Variants in ZFP62 observed in about 807,000 individuals in gnomAD.
ZFP62 encodes ZFP62 zinc finger protein, also known as zinc finger protein 62 homolog.
In ZFP62, 44 loss-of-function variants were observed where a neutral mutation model predicts 56.4. The observed-to-expected ratio is 0.78, with a 90% CI of 0.61 to 1.00. The LOEUF is 1.00. Ranked by LOEUF, ZFP62 falls within the 50% of genes least tolerant of loss-of-function variation. The probability of loss-of-function intolerance (pLI) is 0.00; values close to 1 mark genes in which losing one functional copy is unlikely to be tolerated. For synonymous variants in ZFP62, 421 were observed against 388.9 expected (o/e 1.08, Z -0.97); for missense variants, 1,030 against 1,085.7 (o/e 0.95, Z 0.72).
chr5:180,847,047 A>C (rs138365896), downstream of ZFP62, among the ~76,000 whole-genome samples: 2 of 152,344 alleles, frequency 1.3e-5, no homozygotes, highest in East Asian at 1.9e-4. Flanking sequence ...ATACAAAGTG[A>C]AACAAATATA....
Position 180,850,771 on chromosome 5 carries a change from G to A in ZFP62, c.724C>T (p.Gln242Ter). 6.3e-7 allele frequency: 1 copy of A among 1,599,070 alleles called. No individual in the cohort carries two copies. Among genetic ancestry groups the A allele is most frequent in the Non-Finnish European group, 8.5e-7 (1 of 1,172,664 alleles). The change falls in exon 2 of 2, where the codon CAG becomes TAG. Residue 242 changes from glutamine (Q) to a stop codon, truncating the protein, a stop_gained. Coordinates refer to ENST00000502412, the MANE Select transcript of ZFP62 (RefSeq NM_001172638.2). LOFTEE classifies it high-confidence loss of function. ...KSFNYSSVLD[Q>*]HKRIHTGEKP... ...TCCCCAGTGTGGATCCTTTTATGCT[G>A]GTCCAGAACAGAGCTATAATTGAAG...
At position 180,849,412 on chromosome 5, in the gene ZFP62, G is replaced by T; in HGVS notation, c.2083C>A (p.His695Asn). 1 of 1,551,226 alleles carries T rather than the reference G, an allele frequency of 6.4e-7. No homozygotes were observed. The highest frequency in any genetic ancestry group is 8.7e-7 in the Non-Finnish European group (1 of 1,146,662). The change falls in exon 2 of 2, where the codon CAC becomes AAC. Residue 695 changes from histidine to asparagine, a missense_variant. His to Asn is a moderately conservative substitution (Grantham distance 68, BLOSUM62 1). Coordinates refer to ENST00000502412, the MANE Select transcript of ZFP62 (RefSeq NM_001172638.2). ...HSSLINHKST[H>N]PGRTPHTCDE... is the part of the protein sequence containing the mutation. The stretch of plus-strand genomic sequence containing the variant: ...CATGTATGGGGTGTCCTGCCAGGGT[G>T]GGTACTCTTATGGTTAATAAGGCTT...
At chr5:180,853,321 T>C (rs1773809091) in intron 1 of ZFP62, among the ~76,000 whole-genome samples, 1 of 152,200 alleles carries the variant, frequency 6.6e-6, no homozygotes, top group African/African-American at 2.4e-5. Context: ...AAGAGTAATA[T>C]ACATGCTACG....
chr5:180,836,009 T>C, the ZFP62 span, among the ~76,000 whole-genome samples: 11 of 152,248 alleles, frequency 7.2e-5, no homozygotes, highest in African/African-American at 2.7e-4. Flanking sequence ...TATGGTTAGA[T>C]ACACAAATAC....
In ZFP62 at chr5:180,848,325, T is replaced by C. The variant is rs1773490883; in HGVS notation, c.*467A>G. ...AAATAAATTTATATTCCCTGAAACC[T>C]ATCCTCCCTGAATTTGCCTGTTGGA... On this transcript the variant is annotated 3_prime_UTR_variant, in exon 2 of 2. Transcript: ENST00000502412. 1 of 986,704 alleles carries C rather than the reference T, an allele frequency of 1.0e-6. No homozygotes were observed. The highest frequency in any genetic ancestry group is 1.2e-6 in the Non-Finnish European group (1 of 830,926). 61.1% of individuals were successfully genotyped at this position (986,704 alleles called of 1,614,324 possible).
the ZFP62 span, chr5:180,835,633 G>A: frequency 3.3e-5 from 5 of 152,154 alleles, no homozygotes; most frequent in Admixed American, 3.3e-4. Context: ...GTAAAACCGA[G>A]CACATGCAAA....
At chr5:180,853,485 T>G (rs1002992781) in intron 1 of ZFP62, among the ~76,000 whole-genome samples, 1 of 152,210 alleles carries the variant, frequency 6.6e-6, no homozygotes, top group African/African-American at 2.4e-5. Context: ...TCCGAGTATA[T>G]AGCCTTTTTA....
the ZFP62 span, among the ~76,000 whole-genome samples, chr5:180,829,461 C>T: frequency 4.6e-5 from 7 of 152,314 alleles, no homozygotes; most frequent in African/African-American, 1.7e-4. Flanking sequence ...ACGGTCCTAC[C>T]AATATGTGAT....
chr5:180,858,732 G>A (rs1774142385), intron 1 of ZFP62, among the ~76,000 whole-genome samples: 1 of 152,110 alleles, frequency 6.6e-6, no homozygotes, highest in African/African-American at 2.4e-5. Context: ...TGGTAGCTAA[G>A]TCATGTGTCC....
At chr5:180,839,656 T>G in the ZFP62 span, among the ~76,000 whole-genome samples, 1 of 152,188 alleles carries the variant, frequency 6.6e-6, no homozygotes, top group African/African-American at 2.4e-5. Flanking sequence ...AAATTCCTAT[T>G]GGGTACTATG....
downstream of ZFP62, among the ~76,000 whole-genome samples, chr5:180,844,401 C>T (rs374880581): frequency 2.0e-5 from 3 of 152,194 alleles, no homozygotes; most frequent in South Asian, 4.1e-4. Flanking sequence ...TGGGGCTTTG[C>T]CCTGCCCACC....
the ZFP62 span, among the ~76,000 whole-genome samples, chr5:180,841,086 A>C: frequency 1.3e-5 from 2 of 152,206 alleles, no homozygotes; most frequent in South Asian, 4.1e-4. Flanking sequence ...TGAATGAAAC[A>C]TTAAAAATAC....
At chr5:180,843,664 C>A (rs1193500595), downstream of ZFP62, among the ~76,000 whole-genome samples, 2 of 152,130 alleles carry the variant, frequency 1.3e-5, no homozygotes, top group African/African-American at 4.8e-5. Flanking sequence ...AAGCAAAGTT[C>A]ACAGAACTAT....
At chr5:180,853,581 C>T (rs1013170685) in intron 1 of ZFP62, among the ~76,000 whole-genome samples, 1 of 152,136 alleles carries the variant, frequency 6.6e-6, no homozygotes, top group Non-Finnish European at 1.5e-5. Flanking sequence ...AGGAGAAAAA[C>T]TGCTAAAACA....
the ZFP62 span, among the ~76,000 whole-genome samples, chr5:180,842,512 C>T: frequency 5.3e-5 from 8 of 152,282 alleles, no homozygotes; most frequent in Admixed American, 5.2e-4. Flanking sequence ...GGCAGATGAA[C>T]AGCCAGAGTG....
chr5:180,834,187 C>T, the ZFP62 span: 3 of 152,218 alleles, frequency 2.0e-5, no homozygotes, highest in South Asian at 6.2e-4. Context: ...TAATAGAATA[C>T]CCGAGACTGG....
At chr5:180,845,810 C>A, downstream of ZFP62, 2 of 985,424 alleles carry the variant, frequency 2.0e-6, no homozygotes, top group Non-Finnish European at 2.4e-6. Flanking sequence ...CTGAATCCCA[C>A]GGAGGAAAAT....
chr5:180,841,557 T>TG, the ZFP62 span, among the ~76,000 whole-genome samples: 1 of 152,122 alleles, frequency 6.6e-6, no homozygotes, highest in African/African-American at 2.4e-5. Flanking sequence ...CAGACAGCAG[T>TG]CTATCAGTCA....
chr5:180,856,337 A>T (rs367627406), intron 1 of ZFP62, among the ~76,000 whole-genome samples: 178 of 152,370 alleles, frequency 1.2e-3, no homozygotes, highest in African/African-American at 4.1e-3. Context: ...GTTAATCAAT[A>T]CTAAGATCCA....
Sources: gnomAD v4.1 joint callset for allele counts (sites outside exome capture counted in the v4.1 genomes callset) on GRCh38, gnomAD v4.1.1 for gene constraint, MANE v1.5 for transcripts, NCBI Gene and HGNC (gene_info 2026-07-23, HGNC 2026-07-21) for gene names.